The following THSD7B variants were observed in gnomAD, a reference collection of about 807,000 sequenced individuals.
THSD7B encodes the protein thrombospondin type 1 domain containing 7B.
A neutral mutation model predicts 213.6 loss-of-function variants in THSD7B; 138 were observed. That is an observed-to-expected ratio of 0.65 (90% CI 0.56 to 0.74). THSD7B has a LOEUF of 0.74. Among genes scored for constraint, THSD7B ranks in the 30% least tolerant of loss-of-function variants. THSD7B has a pLI of 0.00. For missense variants in THSD7B, 1,931 were observed against 1,991.5 expected (o/e 0.97, Z 0.58); for synonymous variants, 742 against 687.0 (o/e 1.08, Z -1.25).
intron 2 of THSD7B, among the ~76,000 whole-genome samples, chr2:136,965,751 A>G (rs1264055562): frequency 1.3e-5 from 2 of 151,850 alleles, no homozygotes; most frequent in Non-Finnish European, 2.9e-5. Flanking sequence ...TTTAGTTTTA[A>G]TAGTTTCTTT....
chr2:137,270,601 G>T (rs1378298104), intron 10 of THSD7B, among the ~76,000 whole-genome samples: 1 of 152,190 alleles, frequency 6.6e-6, no homozygotes, highest in African/African-American at 2.4e-5. Flanking sequence ...AAAAAGTAGA[G>T]AAATTGATGA....
At chr2:137,413,476 A>C (rs1686717762) in intron 14 of THSD7B, among the ~76,000 whole-genome samples, 1 of 152,234 alleles carries the variant, frequency 6.6e-6, no homozygotes, top group Admixed American at 6.5e-5. Context: ...GAGGATGCTG[A>C]ATAGAAAATT....
chr2:137,343,056 G>A (rs1347345544), intron 12 of THSD7B, among the ~76,000 whole-genome samples: 3 of 150,828 alleles, frequency 2.0e-5, no homozygotes, highest in East Asian at 3.9e-4. Context: ...AAAGAATTTC[G>A]AAGTATTCCC....
At chr2:137,438,332 CTG>C (rs1314940352) in intron 14 of THSD7B, among the ~76,000 whole-genome samples, 1 of 152,148 alleles carries the variant, frequency 6.6e-6, no homozygotes, top group African/African-American at 2.4e-5. Flanking sequence ...TGAGTGCTCA[CTG>C]TGTGGTCAAT....
chr2:137,516,387 C>T lies in THSD7B; in HGVS notation c.3139-46834C>T, dbSNP rs186745535. On this transcript the variant is annotated intron_variant, in intron 15 of 27. Transcript: ENST00000409968. Reference sequence around the variant, plus strand: ...TGAAGGAGAGACCAGGTCCCCTTGACGAAGGACCCCACTACATTACCAACA... The same window carrying T: ...TGAAGGAGAGACCAGGTCCCCTTGATGAAGGACCCCACTACATTACCAACA... 3.7e-4 allele frequency among the ~76,000 whole-genome samples: 56 copies of T among 152,234 alleles called. No individual in the cohort carries two copies. In the East Asian group the frequency reaches 8.1e-3, roughly 22 times the overall value.
At chr2:136,801,687 C>T (rs1682182686) in intron 1 of THSD7B, among the ~76,000 whole-genome samples, 1 of 152,006 alleles carries the variant, frequency 6.6e-6, no homozygotes, top group South Asian at 2.1e-4. Context: ...TATAAGACGA[C>T]ATTTTGAAAG....
intron 15 of THSD7B, among the ~76,000 whole-genome samples, chr2:137,502,262 A>G (rs1679723950): frequency 7.7e-6 from 1 of 129,688 alleles, no homozygotes; most frequent in Admixed American, 7.6e-5. Context: ...TTAGTAGTTA[A>G]CTATGCAACA....
chr2:137,534,651 A>C (rs1680468565), intron 15 of THSD7B, among the ~76,000 whole-genome samples: 1 of 151,774 alleles, frequency 6.6e-6, no homozygotes, highest in African/African-American at 2.4e-5. Context: ...TATACTATCA[A>C]TATAAGTTTT....
intron 3 of THSD7B, among the ~76,000 whole-genome samples, chr2:137,063,381 AT>A (rs1687315677): frequency 6.6e-6 from 1 of 151,408 alleles, no homozygotes; most frequent in Non-Finnish European, 1.5e-5. Flanking sequence ...ATTATTTTTT[AT>A]TTAATTTTTA....
At chr2:136,865,362 G>A (rs1683316971) in intron 1 of THSD7B, among the ~76,000 whole-genome samples, 1 of 152,158 alleles carries the variant, frequency 6.6e-6, no homozygotes, top group Non-Finnish European at 1.5e-5. Context: ...TAAGATCAAA[G>A]GCTTTAGATT....
intron 4 of THSD7B, among the ~76,000 whole-genome samples, chr2:137,113,369 C>G (rs1239449500): frequency 6.6e-6 from 1 of 152,154 alleles, no homozygotes; most frequent in Non-Finnish European, 1.5e-5. Flanking sequence ...AAATGAACTT[C>G]TCTTTATTTC....
At chr2:137,574,148 T>A (rs569978725) in intron 17 of THSD7B, among the ~76,000 whole-genome samples, 1 of 152,214 alleles carries the variant, frequency 6.6e-6, no homozygotes, top group Non-Finnish European at 1.5e-5. Flanking sequence ...TAAGCTCTAA[T>A]CACTTCGCAA....
intron 2 of THSD7B, among the ~76,000 whole-genome samples, chr2:136,913,798 G>T (rs1684307056): frequency 6.6e-6 from 1 of 152,256 alleles, no homozygotes; most frequent in South Asian, 2.1e-4. Flanking sequence ...ACACCTGGAT[G>T]CCCAGGCAAA....
At chr2:137,166,206 T>C (rs1353013511) in intron 6 of THSD7B, among the ~76,000 whole-genome samples, 1 of 152,080 alleles carries the variant, frequency 6.6e-6, no homozygotes, top group East Asian at 1.9e-4. Context: ...GGTTGGTGCT[T>C]GTCAAGTAAA....
intron 14 of THSD7B, among the ~76,000 whole-genome samples, chr2:137,434,416 A>T (rs1687249330): frequency 6.6e-6 from 1 of 152,138 alleles, no homozygotes; most frequent in South Asian, 2.1e-4. Context: ...ATGTTCATAA[A>T]TTTTTGTCAG....
chr2:137,086,917 A>G (rs1687852298), intron 3 of THSD7B, among the ~76,000 whole-genome samples: 1 of 152,256 alleles, frequency 6.6e-6, no homozygotes, highest in South Asian at 2.1e-4. Flanking sequence ...TCTCTTTTAC[A>G]TGTGTAACAC....
chr2:137,587,798 G>T (rs1681771298), intron 17 of THSD7B, among the ~76,000 whole-genome samples: 1 of 152,174 alleles, frequency 6.6e-6, no homozygotes. Flanking sequence ...CCCACTTTAG[G>T]AGGCAGTCTG....
intron 10 of THSD7B, among the ~76,000 whole-genome samples, chr2:137,260,800 G>T (rs1386181131): frequency 6.6e-6 from 1 of 151,980 alleles, no homozygotes; most frequent in Non-Finnish European, 1.5e-5. Context: ...TTCAGCAGAG[G>T]TTCTCTAGAC....
At chr2:137,026,958 A>G (rs1357341182) in intron 2 of THSD7B, among the ~76,000 whole-genome samples, 1 of 152,214 alleles carries the variant, frequency 6.6e-6, no homozygotes, top group African/African-American at 2.4e-5. Flanking sequence ...CCAATCTGCA[A>G]AAGTCAAGCT....
Sources: gnomAD v4.1 joint callset for allele counts (sites outside exome capture counted in the v4.1 genomes callset) on GRCh38, gnomAD v4.1.1 for gene constraint, MANE v1.5 for transcripts, NCBI Gene and HGNC (gene_info 2026-07-23, HGNC 2026-07-21) for gene names.